Variants in DUS1L observed in about 807,000 individuals in gnomAD.
DUS1L encodes the protein tRNA-dihydrouridine(16/17) synthase [NAD(P)(+)]-like.
Under a neutral mutation model 61.2 loss-of-function variants are expected in DUS1L, and 56 were observed. The ratio of observed to expected loss-of-function variants is 0.92; its 90% CI spans 0.74 to 1.14. The LOEUF (loss-of-function observed/expected upper bound fraction) is 1.14, where lower values mean the gene tolerates loss of function less well. Ranked by LOEUF, DUS1L falls within the 50% of genes most tolerant of loss-of-function variation. The pLI, the probability that DUS1L is intolerant of heterozygous loss-of-function variation, is 0.00. For synonymous variants in DUS1L, 278 were observed against 259.5 expected (o/e 1.07, Z -0.69); for missense variants, 630 against 632.4 (o/e 1.00, Z 0.04).
chr17:82,058,270 A>G lies in DUS1L; in HGVS notation c.1283-16T>C, dbSNP rs756770296. On this transcript the variant is annotated splice_polypyrimidine_tract_variant and intron_variant, in intron 13 of 13. Transcript: ENST00000306796. ...AATCCGTGACCTGGCAGAGCGAGTG[A>G]GAGGAGTCGGGGGTCAGGAGGCGGA... 5 of 1,562,756 alleles carry G rather than the reference A, an allele frequency of 3.2e-6. No homozygotes were observed. The highest frequency in any genetic ancestry group is 4.4e-6 in the Non-Finnish European group (5 of 1,148,732).
At position 82,062,808 on chromosome 17, in the gene DUS1L, C is replaced by T. The variant is rs1003533498; in HGVS notation, c.510+53G>A. 6.8e-5 allele frequency: 100 copies of T among 1,480,624 alleles called. No individual in the cohort carries two copies. In the Middle Eastern group the frequency reaches 8.6e-4, roughly 13 times the overall value. 91.7% of individuals were successfully genotyped at this position (1,480,624 alleles called of 1,614,324 possible). The stretch of plus-strand genomic sequence containing the variant: ...ACAGGAAGAGCCTCAGCTATGTCCT[C>T]TGCGCAAAGGCCCAGCTGAGGCCCA... On this transcript the variant is annotated intron_variant, in intron 5 of 13. Coordinates refer to ENST00000306796, the MANE Select transcript of DUS1L (RefSeq NM_022156.5).
chr17:82,064,793 G>A (rs746329615), intron 2 of DUS1L, 30 bp downstream of exon 2: 6 of 1,578,820 alleles, frequency 3.8e-6, no homozygotes, highest in Admixed American at 1.8e-5. Flanking sequence ...GAACCCAACC[G>A]CGGCCGCGGC....
chr17:82,061,185 C>T, intron 8 of DUS1L, 24 bp downstream of exon 8: 1 of 1,566,750 alleles, frequency 6.4e-7, no homozygotes, highest in Non-Finnish European at 8.7e-7. Context: ...TCCAACGTGG[C>T]TTCTGCCTTA....
chr17:82,063,692 G>C (rs929272062), intron 3 of DUS1L, among the ~76,000 whole-genome samples, 174 bp from the exon 4 acceptor site: 5 of 152,254 alleles, frequency 3.3e-5, no homozygotes, highest in African/African-American at 9.6e-5. Context: ...GGGACAGTCA[G>C]AGCAGTGGTT....
chr17:82,064,001 C>G (rs922058107), intron 3 of DUS1L, 125 bp downstream of exon 3: 1 of 816,364 alleles, frequency 1.2e-6, no homozygotes, highest in Non-Finnish European at 1.9e-6. Context: ...ACAGCTGGCT[C>G]CAGCCTGAGC....
At chr17:82,058,687 C>G (rs545364780) in intron 12 of DUS1L, 94 bp downstream of exon 12, 8 of 1,582,242 alleles carry the variant, frequency 5.1e-6, no homozygotes, top group African/African-American at 4.0e-5. Context: ...CCCAGCTGGG[C>G]GGGCACCAGA....
chr17:82,061,404 C>T lies in DUS1L; in HGVS notation c.698-51G>A, dbSNP rs370244563. On this transcript the variant is annotated intron_variant, in intron 7 of 13. Coordinates refer to ENST00000306796, the MANE Select transcript of DUS1L (RefSeq NM_022156.5). The stretch of plus-strand genomic sequence containing the variant: ...CACCTCGTGGGTTGCTCCAGGTGGA[C>T]GGCACAGGAAAGCCTGGGACACTCA... 140 of 1,539,144 alleles carry T rather than the reference C, an allele frequency of 9.1e-5. 8 individuals are homozygous for T. Among genetic ancestry groups the T allele is most frequent in the Admixed American group, 8.7e-4 (46 of 52,768 alleles).
chr17:82,059,131 C>T (rs2033289894), intron 11 of DUS1L: 1 of 409,836 alleles, frequency 2.4e-6, no homozygotes, highest in Non-Finnish European at 4.6e-6. Flanking sequence ...AGCAGTTTTC[C>T]TGCCCACAGG....
Position 82,058,069 on chromosome 17 carries a change from G to A in DUS1L, c.*46C>T, listed in dbSNP as rs371413881. 3.0e-5 allele frequency: 45 copies of A among 1,478,894 alleles called. No individual in the cohort carries two copies. Among genetic ancestry groups the A allele is most frequent in the East Asian group, 1.7e-4 (7 of 40,266 alleles). The allele number at this position is 1,478,894 out of a possible 1,614,324, so 91.6% of individuals were successfully genotyped here. A position where few individuals can be genotyped will look rare whatever the true frequency, so the allele number is the denominator to read the frequency against. ...TAAAAGGCATTTTCTTAAGTAGGAC[G>A]TGTCCAGGCTCCAGCAGCAGTCCTG... On this transcript the variant is annotated 3_prime_UTR_variant, in exon 14 of 14. Transcript: ENST00000306796.
intron 12 of DUS1L, 143 bp downstream of exon 12, chr17:82,058,638 G>C (rs747439326): frequency 3.3e-6 from 5 of 1,531,964 alleles, no homozygotes; most frequent in Non-Finnish European, 2.6e-6. Flanking sequence ...GCAAGGGGCC[G>C]TCCTGAGGCA....
Position 82,058,249 on chromosome 17 carries a change from C to A in DUS1L, c.1288G>T (p.Gly430Ter). The change falls in exon 14 of 14, where the codon GGA (glycine) becomes TGA (stop). Residue 430 changes from glycine to a stop codon, truncating the protein, a stop_gained. Coordinates refer to ENST00000306796, the MANE Select transcript of DUS1L (RefSeq NM_022156.5). LOFTEE classifies it high-confidence loss of function. ...TCCAATTTGGTTTTAAAAAGCAATC[C>A]GTGACCTGGCAGAGCGAGTGAGAGG... ...SKETADCPGH[G>*]LLFKTKLEKS... The A allele has an allele frequency of 1.9e-6, 3 of 1,578,608 alleles. No individual in the cohort carries two copies. Among genetic ancestry groups the A allele is most frequent in the Non-Finnish European group, 2.6e-6 (3 of 1,156,808 alleles).
chr17:82,058,766 C>T lies in DUS1L; in HGVS notation c.1206+15G>A. The T allele has an allele frequency of 6.2e-7, 1 of 1,613,294 alleles. No homozygotes were observed. The highest frequency in any genetic ancestry group is 1.1e-5 in the South Asian group (1 of 91,086). Reference sequence around the variant, plus strand: ...AAGCTGAAGCCTTGGTGGCTTGCAGCCGGAACCCACTCACCTTTGGGTTTC... The same window carrying T: ...AAGCTGAAGCCTTGGTGGCTTGCAGTCGGAACCCACTCACCTTTGGGTTTC... On this transcript the variant is annotated intron_variant, in intron 12 of 13. Transcript: ENST00000306796.
Position 82,058,592 on chromosome 17 carries a change from C to CT in DUS1L, c.1207-177dup, listed in dbSNP as rs540824953. The CT allele has an allele frequency of 7.6e-4, 1,111 of 1,462,466 alleles. 16 individuals carry two copies. In the South Asian group the frequency reaches 0.013, roughly 16 times the overall value. 90.6% of individuals were successfully genotyped at this position (1,462,466 alleles called of 1,614,324 possible). On this transcript the variant is annotated intron_variant, in intron 12 of 13. Transcript: ENST00000306796. ...CCTCACCCCCACCCACCCAGACTCT[C>CT]TTCCCCTCCAGGCCTGGGCAGGGGC...
intron 1 of DUS1L, 34 bp from the exon 2 acceptor site, chr17:82,065,103 G>C (rs754319730): frequency 6.5e-7 from 1 of 1,532,366 alleles, no homozygotes; most frequent in Non-Finnish European, 8.8e-7. Context: ...GGTTCAGCCA[G>C]GCCCAACGAG....
Position 82,061,237 on chromosome 17 carries a change from C to T in DUS1L, c.814G>A (p.Ala272Thr). 3.7e-6 allele frequency: 6 copies of T among 1,602,388 alleles called. No individual in the cohort carries two copies. In the South Asian group the frequency reaches 5.5e-5, roughly 15 times the overall value. The change falls in exon 8 of 14, where the codon GCC becomes ACC. Residue 272 changes from alanine to threonine, a missense_variant. Physicochemically the swap from Ala to Thr is moderately conservative, Grantham distance 58. Coordinates refer to ENST00000306796, the MANE Select transcript of DUS1L (RefSeq NM_022156.5). ...EHPCPLSYVR[A>T]HLFKLWHHTL... ...TGGTGCCACAGCTTGAAGAGGTGGG[C>T]CCGGACGTAGGACAGGGGGCAGGGG...
intron 10 of DUS1L, 72 bp downstream of exon 10, chr17:82,060,629 G>C (rs749197580): frequency 6.5e-7 from 1 of 1,545,892 alleles, no homozygotes; most frequent in African/African-American, 1.4e-5. Context: ...CAGGGCAGGC[G>C]CAGCACTGTG....
intron 12 of DUS1L, 76 bp downstream of exon 12, chr17:82,058,705 C>A (rs970260572): frequency 1.9e-6 from 3 of 1,598,686 alleles, no homozygotes; most frequent in Non-Finnish European, 2.6e-6. Context: ...AGACCTGCCA[C>A]CCCAAGCAGT....
rs1465804058 is a variant in DUS1L, at chr17:82,060,562, C to G, written c.1022+139G>C. On this transcript the variant is annotated intron_variant, in intron 10 of 13. Coordinates refer to ENST00000306796, the MANE Select transcript of DUS1L (RefSeq NM_022156.5). ...AGGTGTGTGCTGCTCGGAGCCGAGG[C>G]CTCCCTCCTCCTTTCCCTTGGGCAG... 7.0e-6 allele frequency: 8 copies of G among 1,134,938 alleles called. No individual in the cohort carries two copies. In the East Asian group the frequency reaches 2.1e-4, roughly 29 times the overall value. 70.3% of individuals were successfully genotyped at this position (1,134,938 alleles called of 1,614,324 possible).
intron 10 of DUS1L, chr17:82,060,330 G>T: frequency 1.6e-6 from 1 of 609,254 alleles, no homozygotes; most frequent in Non-Finnish European, 2.8e-6. Flanking sequence ...CCAGCTCCAG[G>T]GAGGGCTGTG....
Sources: allele counts gnomAD v4.1 joint callset (sites outside exome capture counted in the v4.1 genomes callset), GRCh38; gene constraint gnomAD v4.1.1; transcripts MANE v1.5; gene names NCBI Gene and HGNC (gene_info 2026-07-23, HGNC 2026-07-21).